WLS: variants seen among roughly 807,000 people sequenced by gnomAD.
The protein encoded by WLS is protein wntless homolog.
A neutral mutation model predicts 62.8 loss-of-function variants in WLS; 23 were observed. The ratio of observed to expected loss-of-function variants is 0.37; its 90% CI spans 0.26 to 0.52. WLS has a LOEUF of 0.52. WLS is among the 20% of genes least tolerant of loss of function. The pLI is 0.92. For synonymous variants in WLS, 246 were observed against 244.1 expected, an observed-to-expected ratio of 1.01 and a Z score of -0.07; for missense variants, 615 against 697.3, an observed-to-expected ratio of 0.88 and a Z score of 1.33.
chr1:68,124,212 T>C (rs1366598098), downstream of WLS, among the ~76,000 whole-genome samples: 1 of 152,206 alleles, frequency 6.6e-6, no homozygotes, highest in Non-Finnish European at 1.5e-5. Flanking sequence ...TGATCTCTTT[T>C]CTGGGCTTGT....
At chr1:68,148,301 G>A (rs912017348) in intron 7 of WLS, 102 bp from the exon 8 acceptor site, 16 of 1,236,942 alleles carry the variant, frequency 1.3e-5, no homozygotes, top group Non-Finnish European at 1.7e-5. Context: ...AGGGGTGAGG[G>A]CTGTATTTAG....
chr1:68,110,394 ATAAAT>A (rs1219269667), intron 11 of WLS, among the ~76,000 whole-genome samples: 3 of 152,080 alleles, frequency 2.0e-5, no homozygotes, highest in Admixed American at 6.5e-5. Flanking sequence ...TAATCATTAA[ATAAAT>A]TAAAATGGTA....
intron 1 of WLS, among the ~76,000 whole-genome samples, chr1:68,207,669 A>G (rs1035001826): frequency 4.6e-5 from 7 of 152,266 alleles, no homozygotes; most frequent in Admixed American, 1.3e-4. Flanking sequence ...TAGAGCTCAG[A>G]AAAACTTGGG....
chr1:68,139,886 G>A (rs1458482810), intron 10 of WLS, among the ~76,000 whole-genome samples: 1 of 152,202 alleles, frequency 6.6e-6, no homozygotes, highest in African/African-American at 2.4e-5. Context: ...AAGTATTGCA[G>A]TCCACAAGTC....
chr1:68,102,981 G>A (rs980569011), intron 11 of WLS, among the ~76,000 whole-genome samples: 3 of 152,002 alleles, frequency 2.0e-5, no homozygotes, highest in Non-Finnish European at 4.4e-5. Flanking sequence ...GCAGTGCTCT[G>A]AACCCTTTTT....
chr1:68,210,722 T>C (rs1649479212), intron 1 of WLS, among the ~76,000 whole-genome samples: 1 of 152,186 alleles, frequency 6.6e-6, no homozygotes, highest in South Asian at 2.1e-4. Context: ...GAAGGTCCAC[T>C]GGGCGGAAAG....
At chr1:68,152,422 G>T (rs1309931459) in intron 5 of WLS, among the ~76,000 whole-genome samples, 1 of 152,192 alleles carries the variant, frequency 6.6e-6, no homozygotes, top group African/African-American at 2.4e-5. Flanking sequence ...TGGAAAGATG[G>T]AAGGAGACAG....
intron 2 of WLS, among the ~76,000 whole-genome samples, chr1:68,192,134 C>T (rs765015314): frequency 6.6e-6 from 1 of 152,076 alleles, no homozygotes; most frequent in Non-Finnish European, 1.5e-5. Flanking sequence ...CACTCAAAAA[C>T]AGTTTAAAAT....
chr1:68,183,879 A>G (rs1199649816), intron 2 of WLS, among the ~76,000 whole-genome samples: 5 of 152,148 alleles, frequency 3.3e-5, no homozygotes, highest in Admixed American at 3.3e-4. Context: ...CAGTGTGGGG[A>G]AAGAAAAATC....
chr1:68,108,453 C>A (rs910464254), intron 11 of WLS, among the ~76,000 whole-genome samples: 1 of 152,068 alleles, frequency 6.6e-6, no homozygotes, highest in Non-Finnish European at 1.5e-5. Context: ...CCACTGTGTC[C>A]CTCCCACCTC....
At position 68,222,117 on chromosome 1, in the gene WLS, A is replaced by T. The variant is rs528378141; in HGVS notation, c.106+10077T>A. Among the ~76,000 whole-genome samples the T allele has an allele frequency of 2.0e-5, 3 of 152,320 alleles. No individual in the cohort carries two copies. The South Asian group carries it at 6.2e-4, about 32-fold the overall frequency. On this transcript the variant is annotated intron_variant, in intron 1 of 11. Coordinates refer to ENST00000262348, the MANE Select transcript of WLS (RefSeq NM_024911.7). ...CCGAAAGCACAAGAATTAGTCATAG[A>T]TTTTTTTAGTCAAGGAAGCCTCAGA...
At chr1:68,101,001 C>T (rs78141887) in intron 11 of WLS, among the ~76,000 whole-genome samples, 2,868 of 152,208 alleles carry the variant, frequency 0.019, 98 homozygotes, top group African/African-American at 0.065. Context: ...TAAACATAAA[C>T]GTGGCCAAAC....
intron 1 of WLS, among the ~76,000 whole-genome samples, chr1:68,195,038 A>C (rs546821628): frequency 6.6e-6 from 1 of 152,374 alleles, no homozygotes; most frequent in Non-Finnish European, 1.5e-5. Context: ...ACTGTTGGAA[A>C]ATGTCAAAAT....
At chr1:68,170,548 A>G (rs915973167) in intron 2 of WLS, among the ~76,000 whole-genome samples, 2 of 152,126 alleles carry the variant, frequency 1.3e-5, no homozygotes, top group Non-Finnish European at 2.9e-5. Flanking sequence ...ACCAAATTTT[A>G]TGAAGAGATG....
intron 2 of WLS, among the ~76,000 whole-genome samples, chr1:68,175,416 G>C (rs1440805721): frequency 6.6e-6 from 1 of 152,202 alleles, no homozygotes; most frequent in Non-Finnish European, 1.5e-5. Flanking sequence ...ATGTCTCTCA[G>C]TCATGGGGTA....
chr1:68,191,413 A>C (rs1280046430), intron 2 of WLS, among the ~76,000 whole-genome samples: 1 of 152,030 alleles, frequency 6.6e-6, no homozygotes, highest in Non-Finnish European at 1.5e-5. Flanking sequence ...GCAGGTTTCA[A>C]AAAAAAATTT....
intron 2 of WLS, among the ~76,000 whole-genome samples, chr1:68,174,925 CT>C (rs1647211565): frequency 2.6e-5 from 4 of 152,308 alleles, no homozygotes; most frequent in Admixed American, 2.6e-4. Context: ...AAGATAAGGG[CT>C]GTGTTACTAA....
intron 11 of WLS, among the ~76,000 whole-genome samples, chr1:68,131,137 T>A (rs1343041869): frequency 6.6e-6 from 1 of 151,400 alleles, no homozygotes; most frequent in Non-Finnish European, 1.5e-5. Context: ...GGTCTCGATC[T>A]CCTGACCTTG....
At chr1:68,190,340 A>G (rs1175069686) in intron 2 of WLS, among the ~76,000 whole-genome samples, 3 of 152,214 alleles carry the variant, frequency 2.0e-5, no homozygotes, top group Non-Finnish European at 4.4e-5. Context: ...AGCCTCTAAG[A>G]TGGTCCTTAA....
Sources: gnomAD v4.1 joint callset for allele counts (sites outside exome capture counted in the v4.1 genomes callset) on GRCh38, gnomAD v4.1.1 for gene constraint, MANE v1.5 for transcripts, NCBI Gene and HGNC (gene_info 2026-07-23, HGNC 2026-07-21) for gene names.